Variants in SPNS2 observed in about 807,000 individuals in gnomAD.
SPNS2 encodes sphingosine-1-phosphate transporter SPNS2.
Under a neutral mutation model 57.6 loss-of-function variants are expected in SPNS2, and 37 were observed. The observed-to-expected ratio is 0.64, with a 90% CI of 0.49 to 0.85. SPNS2 has a LOEUF of 0.85. Ranked by LOEUF, SPNS2 falls within the 40% of genes least tolerant of loss-of-function variation. The pLI, the probability that SPNS2 is intolerant of heterozygous loss-of-function variation, is 0.00. For synonymous variants in SPNS2, 440 were observed against 346.9 expected, an observed-to-expected ratio of 1.27 and a Z score of -2.98; for missense variants, 831 against 779.1, an observed-to-expected ratio of 1.07 and a Z score of -0.79.
intron 2 of SPNS2, among the ~76,000 whole-genome samples, chr17:4,519,197 C>T (rs1370157536): frequency 1.3e-5 from 2 of 152,238 alleles, no homozygotes; most frequent in African/African-American, 4.8e-5. Flanking sequence ...TGGCTCAGCC[C>T]AGGCCGAAGC....
At chr17:4,500,978 C>A (rs1172782914) in intron 1 of SPNS2, among the ~76,000 whole-genome samples, 2 of 152,190 alleles carry the variant, frequency 1.3e-5, no homozygotes, top group African/African-American at 4.8e-5. Context: ...GTCACGCATG[C>A]ACCATGCTGC....
chr17:4,499,006 C>G lies in SPNS2; in HGVS notation c.-42C>G. 1.0e-6 allele frequency: 1 copy of G among 980,188 alleles called. No individual in the cohort carries two copies. The highest frequency in any genetic ancestry group is 4.7e-5 in the South Asian group (1 of 21,248). 60.7% of individuals were successfully genotyped at this position (980,188 alleles called of 1,614,324 possible). A position where few individuals can be genotyped will look rare whatever the true frequency, so the allele number is the denominator to read the frequency against. On this transcript the variant is annotated 5_prime_UTR_variant, in exon 1 of 13. Transcript: ENST00000329078. The surrounding 1 kb of genome is among the most constrained non-coding windows in gnomAD (Gnocchi z 5.2). ...CGCGCTGAGCGGGCCCAGCCTGGGC[C>G]CCGCGCCCCCCGCGCCCCCCGCCGC... is the stretch of plus-strand genomic sequence containing the variant.
At chr17:4,526,545 G>A (rs187182764) in intron 3 of SPNS2, among the ~76,000 whole-genome samples, 1 of 152,040 alleles carries the variant, frequency 6.6e-6, no homozygotes, top group East Asian at 1.9e-4. Flanking sequence ...AGAGGTTGCA[G>A]TGAGCAGAGA....
Position 4,536,338 on chromosome 17 carries a change from C to G in SPNS2, c.1519C>G (p.Leu507Val). The G allele has an allele frequency of 6.2e-7, 1 of 1,611,848 alleles. No individual in the cohort carries two copies. The highest frequency in any genetic ancestry group is 8.5e-7 in the Non-Finnish European group (1 of 1,179,942). Reference sequence around the variant, plus strand: ...CCTGAGCCTGGGCTACGCGCTCATGCTCTGCCCTTTCGTCGTGGTCCTGGG... The same window carrying G: ...CCTGAGCCTGGGCTACGCGCTCATGGTCTGCCCTTTCGTCGTGGTCCTGGG... The part of the protein sequence containing the change: ...EFLSLGYALM[L>V]CPFVVVLGGM... The change falls in exon 11 of 13, where the codon CTC (leucine) becomes GTC (valine). Residue 507 changes from leucine to valine, a missense_variant. Transcript: ENST00000329078.
At chr17:4,533,533 C>T in intron 8 of SPNS2, 101 bp downstream of exon 8, 1 of 1,287,102 alleles carries the variant, frequency 7.8e-7, no homozygotes, top group Non-Finnish European at 1.1e-6. Context: ...GTTCCCTTCC[C>T]TCGGGGAGGC....
intron 1 of SPNS2, among the ~76,000 whole-genome samples, chr17:4,501,143 A>C (rs1349694794): frequency 6.6e-6 from 1 of 152,212 alleles, no homozygotes; most frequent in African/African-American, 2.4e-5. Context: ...TGACTGGCAA[A>C]GCTGGTGTTA....
intron 1 of SPNS2, among the ~76,000 whole-genome samples, chr17:4,508,326 C>T (rs1336462909): frequency 1.3e-5 from 2 of 152,194 alleles, no homozygotes; most frequent in South Asian, 2.1e-4. Flanking sequence ...GGTTTCCAAT[C>T]ACCTGGGCAG....
chr17:4,536,930 T>C lies in SPNS2; in HGVS notation c.1638T>C (p.Ser546=), dbSNP rs1388204219. The C allele has an allele frequency of 6.2e-7, 1 of 1,613,622 alleles. No homozygotes were observed. Among genetic ancestry groups the C allele is most frequent in the East Asian group, 2.2e-5 (1 of 44,838 alleles). Residue 546 remains serine, a synonymous_variant, in exon 12 of 13, where the codon TCT becomes TCC. Transcript: ENST00000329078. ...QVNQLAMPPA[S]VKV ...ACCAGCTGGCGATGCCGCCCGCATC[T>C]GTGAAAGTCTGAGGTGGTGAGTGCA...
rs982887314 is a variant in SPNS2, at chr17:4,499,016, C to G, written c.-32C>G. On this transcript the variant is annotated 5_prime_UTR_variant, in exon 1 of 13. Coordinates refer to ENST00000329078, the MANE Select transcript of SPNS2 (RefSeq NM_001124758.3). The surrounding 1 kb of genome is among the most constrained non-coding windows in gnomAD (Gnocchi z 5.2). ...GGGCCCAGCCTGGGCCCCGCGCCCC[C>G]CGCGCCCCCCGCCGCCCCGATCCGG... The G allele has an allele frequency of 4.0e-6, 4 of 995,088 alleles. No individual in the cohort carries two copies. Among genetic ancestry groups the G allele is most frequent in the Middle Eastern group, 5.0e-4 (1 of 1,982 alleles). The allele number at this position is 995,088 out of a possible 1,614,324, so 61.6% of individuals were successfully genotyped here.
chr17:4,536,787 T>A (rs1905841515), intron 11 of SPNS2, 113 bp from the exon 12 acceptor site: 2 of 863,396 alleles, frequency 2.3e-6, no homozygotes, highest in African/African-American at 3.3e-5. Flanking sequence ...GCTGACGAGG[T>A]CCCTGCCCAG....
Position 4,533,835 on chromosome 17 carries a change from C to G in SPNS2, c.1326C>G (p.Ile442Met). Residue 442 changes from isoleucine (I) to methionine (M), a missense_variant, in exon 9 of 13, where the codon ATC becomes ATG. Physicochemically the swap from Ile to Met is conservative, Grantham distance 10. This residue lies in a region of SPNS2 where 526 missense variants were observed against 400.9 expected (regional missense o/e 1.31). Transcript: ENST00000329078. Reference protein sequence around the residue: ...GETLLFSNWAITADILMYVVI... With the variant: ...GETLLFSNWAMTADILMYVVI... ...CGCTGCTGTTTTCTAACTGGGCCAT[C>G]ACTGCAGACATCCTCATGGTGAGCC... The G allele has an allele frequency of 6.2e-7, 1 of 1,613,200 alleles. No individual in the cohort carries two copies. Among genetic ancestry groups the G allele is most frequent in the Non-Finnish European group, 8.5e-7 (1 of 1,179,832 alleles).
In SPNS2 at chr17:4,515,733, A is replaced by G. The variant is rs553053458; in HGVS notation, c.436+2421A>G. On this transcript the variant is annotated intron_variant, in intron 2 of 12. Transcript: ENST00000329078. The stretch of plus-strand genomic sequence containing the variant: ...CGGAGCCAGGTGGAGGGCGCCAGCC[A>G]GGTGTTGGTGCTTGCCCAGATCAAA... Among the ~76,000 whole-genome samples, 11 of 152,200 alleles carry G rather than the reference A, an allele frequency of 7.2e-5. 1 individual carries two copies. In the South Asian group the frequency reaches 1.4e-3, roughly 20 times the overall value.
In SPNS2 at chr17:4,529,272, G is replaced by A. The variant is rs371284362; in HGVS notation, c.574-1360G>A. Reference sequence around the variant, plus strand: ...ATTTTTAAATTTTTTTAGAGACGAGGTCTCACTATGTTACCCAGGCTGGTC... The same window carrying A: ...ATTTTTAAATTTTTTTAGAGACGAGATCTCACTATGTTACCCAGGCTGGTC... On this transcript the variant is annotated intron_variant, in intron 3 of 12. Transcript: ENST00000329078. 1.6e-4 allele frequency among the ~76,000 whole-genome samples: 24 copies of A among 151,534 alleles called. No individual in the cohort carries two copies. In the South Asian group the frequency reaches 4.6e-3, roughly 29 times the overall value.
Position 4,538,231 on chromosome 17 carries a change from C to G in SPNS2, c.*783C>G, listed in dbSNP as rs1905977280. The G allele has an allele frequency of 5.0e-6, 1 of 201,086 alleles. No individual in the cohort carries two copies. Among genetic ancestry groups the G allele is most frequent in the Non-Finnish European group, 1.0e-5 (1 of 97,416 alleles). The allele number at this position is 201,086 out of a possible 1,614,324, so 12.5% of individuals were successfully genotyped here. On this transcript the variant is annotated 3_prime_UTR_variant, in exon 13 of 13. Coordinates refer to ENST00000329078, the MANE Select transcript of SPNS2 (RefSeq NM_001124758.3). ...ACACCAGCCCAACTCTGCAGGGCTT[C>G]TCTCCCTGCCACCACCCCCCAAGCC...
rs757449987 is a variant in SPNS2 at position 4,533,414 on chromosome 17, C to T, written c.1260C>T (p.Ser420=). Residue 420 remains serine, a synonymous_variant, in exon 8 of 13, where the codon AGC becomes AGT. Transcript: ENST00000329078. ...FICLIFVAAK[S]SIVGAYICIF... ...GCCTGATCTTCGTGGCTGCCAAGAG[C>T]AGCATCGTAGGAGCCTATGTGAGTG... The T allele has an allele frequency of 9.3e-6, 15 of 1,605,810 alleles. No individual in the cohort carries two copies. The African/African-American group carries it at 1.9e-4, about 20-fold the overall frequency.
chr17:4,536,509 G>C, intron 11 of SPNS2, 83 bp downstream of exon 11: 1 of 1,481,238 alleles, frequency 6.8e-7, no homozygotes, highest in Non-Finnish European at 9.1e-7. Flanking sequence ...CCCTGGGGTG[G>C]GGCGGGGAGG....
chr17:4,525,244 C>G (rs749153814), intron 3 of SPNS2, 51 bp downstream of exon 3: 1 of 1,597,386 alleles, frequency 6.3e-7, no homozygotes, highest in South Asian at 1.1e-5. Context: ...GTCCCTCCAG[C>G]GAGTGGCTAG....
Position 4,513,287 on chromosome 17 carries a change from C to T in SPNS2, c.411C>T (p.Asp137=), listed in dbSNP as rs1301719167. 1 of 1,614,018 alleles carries T rather than the reference C, an allele frequency of 6.2e-7. No individual in the cohort carries two copies. Among genetic ancestry groups the T allele is most frequent in the Middle Eastern group, 1.7e-4 (1 of 6,060 alleles). ...LDIQQHFGVK[D]RGAGLLQSVF... ...TCCAGCAGCACTTTGGGGTCAAGGA[C>T]CGAGGCGCCGGCCTGCTGCAGTCAG... The change falls in exon 2 of 13, where the codon GAC becomes GAT. Residue 137 remains aspartate (D), a synonymous_variant. Transcript: ENST00000329078.
At chr17:4,501,844 C>T (rs1252068561) in intron 1 of SPNS2, among the ~76,000 whole-genome samples, 3 of 152,090 alleles carry the variant, frequency 2.0e-5, no homozygotes, top group Admixed American at 6.6e-5. Context: ...CTACCTGGCC[C>T]CAGCTCCCCA....
Sources: allele counts gnomAD v4.1 joint callset (sites outside exome capture counted in the v4.1 genomes callset), GRCh38; gene constraint gnomAD v4.1.1; regional missense constraint gnomAD v4.1.1; non-coding constraint Gnocchi (gnomAD v3.1); transcripts MANE v1.5; gene names NCBI Gene and HGNC (gene_info 2026-07-23, HGNC 2026-07-21).